Variants in KCNQ5 observed in about 807,000 individuals in gnomAD.
KCNQ5 encodes potassium voltage-gated channel subfamily Q member 5.
A neutral mutation model predicts 98.2 loss-of-function variants in KCNQ5; 30 were observed. The observed-to-expected ratio is 0.31, with a 90% CI of 0.23 to 0.41. The LOEUF is 0.41. KCNQ5 is among the 10% of genes least tolerant of loss of function. The probability of loss-of-function intolerance (pLI) is 1.00; values close to 1 mark genes in which losing one functional copy is unlikely to be tolerated. For missense variants in KCNQ5, 835 were observed against 1,182.5 expected (o/e 0.71, Z 4.31); for synonymous variants, 458 against 449.4 (o/e 1.02, Z -0.24).
At chr6:72,966,476 G>A (rs1337830179) in intron 1 of KCNQ5, among the ~76,000 whole-genome samples, 1 of 152,032 alleles carries the variant, frequency 6.6e-6, no homozygotes, top group African/African-American at 2.4e-5. Flanking sequence ...GCTGAGGAAG[G>A]AGAATCTCTT....
At chr6:73,128,293 C>A (rs1562195501) in intron 9 of KCNQ5, among the ~76,000 whole-genome samples, 1 of 152,192 alleles carries the variant, frequency 6.6e-6, no homozygotes, top group Admixed American at 6.5e-5. Flanking sequence ...TGAATTCCCA[C>A]TAAAACAGTA....
intron 5 of KCNQ5, among the ~76,000 whole-genome samples, chr6:73,085,978 A>G (rs952102347): frequency 6.6e-6 from 1 of 152,224 alleles, no homozygotes; most frequent in Non-Finnish European, 1.5e-5. Context: ...TTTTTCAGAA[A>G]AAGTATAGTA....
chr6:72,669,759 CAG>C (rs980871085), intron 1 of KCNQ5, among the ~76,000 whole-genome samples: 5 of 152,154 alleles, frequency 3.3e-5, no homozygotes, highest in African/African-American at 1.2e-4. Flanking sequence ...TTCAAACTGG[CAG>C]AGTCTCTGCT....
intron 10 of KCNQ5, among the ~76,000 whole-genome samples, chr6:73,148,089 T>C (rs138487893): frequency 2.6e-5 from 4 of 152,332 alleles, no homozygotes; most frequent in African/African-American, 9.6e-5. Context: ...TATGGGCAGT[T>C]ACTAGATGTA....
Position 72,910,546 on chromosome 6 carries a change from G to C in KCNQ5, c.399-93362G>C, listed in dbSNP as rs4708002. 2.1e-5 allele frequency among the ~76,000 whole-genome samples: 3 copies of C among 145,240 alleles called. No individual in the cohort carries two copies. The Admixed American group carries it at 2.1e-4, about 10-fold the overall frequency. On this transcript the variant is annotated intron_variant, in intron 1 of 13. Coordinates refer to ENST00000370398, the MANE Select transcript of KCNQ5 (RefSeq NM_019842.4). ...CTTTTCAATTATAGTAACTCTTATAGAATGGAAAGGTAGGGGGGTGTGTGT... is the reference window on the plus strand; with the variant it reads ...CTTTTCAATTATAGTAACTCTTATACAATGGAAAGGTAGGGGGGTGTGTGT...
At chr6:73,167,874 T>C (rs1197541972) in intron 10 of KCNQ5, among the ~76,000 whole-genome samples, 3 of 152,186 alleles carry the variant, frequency 2.0e-5, no homozygotes, top group African/African-American at 7.2e-5. Context: ...GCTAATCCCA[T>C]TCATGAGGGC....
intron 1 of KCNQ5, among the ~76,000 whole-genome samples, chr6:72,633,161 TTGAACTTCTCTGAGGATTAG>T: frequency 6.6e-6 from 1 of 152,300 alleles, no homozygotes; most frequent in East Asian, 1.9e-4. Context: ...TGGTTTTGAT[TTGAACTTCTCTGAGGATTAG>T]TGATGATGAG....
chr6:72,983,475 C>T (rs568562314), intron 1 of KCNQ5, among the ~76,000 whole-genome samples: 14 of 152,264 alleles, frequency 9.2e-5, no homozygotes, highest in Non-Finnish European at 1.9e-4. Flanking sequence ...GCTGTTGAAG[C>T]TTGTGCATGT....
At chr6:73,109,021 A>T (rs986110537) in intron 6 of KCNQ5, among the ~76,000 whole-genome samples, 12 of 152,206 alleles carry the variant, frequency 7.9e-5, no homozygotes, top group African/African-American at 2.9e-4. Context: ...ATATACAAAT[A>T]TAATAGACCT....
chr6:72,646,222 C>CTT (rs1465241407), intron 1 of KCNQ5, among the ~76,000 whole-genome samples: 2 of 151,820 alleles, frequency 1.3e-5, no homozygotes, highest in Non-Finnish European at 2.9e-5. Context: ...AGAATATTGT[C>CTT]TTTTAAATAT....
chr6:72,664,929 T>G (rs529965376), intron 1 of KCNQ5, among the ~76,000 whole-genome samples: 7 of 152,362 alleles, frequency 4.6e-5, no homozygotes, highest in East Asian at 1.9e-4. Flanking sequence ...CCCTATTGAA[T>G]TCCCGATAAC....
At chr6:73,053,873 C>T (rs765934540) in intron 3 of KCNQ5, among the ~76,000 whole-genome samples, 8 of 151,458 alleles carry the variant, frequency 5.3e-5, no homozygotes, top group South Asian at 2.1e-4. Context: ...GAAATTGAGA[C>T]GCAAAAAAAC....
At chr6:72,852,673 A>C (rs1777325595) in intron 1 of KCNQ5, among the ~76,000 whole-genome samples, 1 of 126,264 alleles carries the variant, frequency 7.9e-6, no homozygotes, top group Non-Finnish European at 1.7e-5. Flanking sequence ...ATGGCACTTA[A>C]TGGTAAAGAT....
Position 72,622,302 on chromosome 6 carries a change from A to T in KCNQ5, c.113A>T (p.Asp38Val). The T allele has an allele frequency of 7.4e-7, 1 of 1,358,030 alleles. No homozygotes were observed. The allele number at this position is 1,358,030 out of a possible 1,614,324, so 84.1% of individuals were successfully genotyped here. A position where few individuals can be genotyped will look rare whatever the true frequency, so the allele number is the denominator to read the frequency against. The change falls in exon 1 of 14, where the codon GAT (aspartate) becomes GTT (valine). Residue 38 changes from aspartate to valine, a missense_variant. Coordinates refer to ENST00000370398, the MANE Select transcript of KCNQ5 (RefSeq NM_019842.4). This position sits in a 1 kb window ranked among gnomAD's most constrained non-coding sequence, Gnocchi z 6.0. ...GGGRLGSGMK[D>V]VESGRGRVLL... ...GGGCGCTTGGGCAGCGGCATGAAGG[A>T]TGTGGAGTCCGGCCGGGGCAGGGTG...
At chr6:72,653,117 C>T (rs1765957748) in intron 1 of KCNQ5, among the ~76,000 whole-genome samples, 1 of 151,660 alleles carries the variant, frequency 6.6e-6, no homozygotes, top group African/African-American at 2.4e-5. Flanking sequence ...AAAAAGAGAC[C>T]TCTCCCTTGG....
At chr6:73,048,342 G>A (rs1469770982) in intron 3 of KCNQ5, among the ~76,000 whole-genome samples, 3 of 152,182 alleles carry the variant, frequency 2.0e-5, no homozygotes, top group Non-Finnish European at 4.4e-5. Context: ...AACACTTGAT[G>A]AGCTTGGGTT....
chr6:72,859,429 ATTTT>A (rs869097719), intron 1 of KCNQ5, among the ~76,000 whole-genome samples: 1 of 124,448 alleles, frequency 8.0e-6, no homozygotes, highest in Admixed American at 7.6e-5. Context: ...TATTTTTCGT[ATTTT>A]TTTCAATTTG....
intron 7 of KCNQ5, among the ~76,000 whole-genome samples, chr6:73,114,904 A>G (rs1243675721): frequency 6.6e-6 from 1 of 152,212 alleles, no homozygotes; most frequent in African/African-American, 2.4e-5. Flanking sequence ...GGCTTCCCCT[A>G]GTAAAATGAC....
intron 1 of KCNQ5, among the ~76,000 whole-genome samples, chr6:72,870,683 T>C (rs1778168429): frequency 6.6e-6 from 1 of 152,224 alleles, no homozygotes; most frequent in Admixed American, 6.5e-5. Flanking sequence ...ACTGTTTTAT[T>C]ATAATCTGAT....
Sources: gnomAD v4.1 joint callset for allele counts (sites outside exome capture counted in the v4.1 genomes callset) on GRCh38, gnomAD v4.1.1 for gene constraint, Gnocchi (gnomAD v3.1) non-coding constraint, MANE v1.5 for transcripts, NCBI Gene and HGNC (gene_info 2026-07-23, HGNC 2026-07-21) for gene names.